The following SERINC5 variants were observed in gnomAD, a reference collection of about 807,000 sequenced individuals.
The protein encoded by SERINC5 is serine incorporator 5.
SERINC5 carries 41 observed loss-of-function variants against 63.1 expected under a neutral mutation model. That is an observed-to-expected ratio of 0.65 (90% CI 0.51 to 0.84). The LOEUF is 0.84. SERINC5 is among the 40% of genes least tolerant of loss of function. The pLI is 0.00. For missense variants in SERINC5, 523 were observed against 573.0 expected, an observed-to-expected ratio of 0.91 and a Z score of 0.89; for synonymous variants, 222 against 215.2, an observed-to-expected ratio of 1.03 and a Z score of -0.28.
At chr5:80,183,546 T>C (rs1748593915) in intron 2 of SERINC5, among the ~76,000 whole-genome samples, 1 of 152,124 alleles carries the variant, frequency 6.6e-6, no homozygotes, top group Admixed American at 6.5e-5. Context: ...CTGAAGTAAC[T>C]GAAGAATCAC....
chr5:80,137,164 C>CAAAAAAACA (rs1745230198), downstream of SERINC5, among the ~76,000 whole-genome samples: 1 of 79,082 alleles, frequency 1.3e-5, no homozygotes, highest in African/African-American at 4.1e-5. Context: ...AAAAAAAAAA[C>CAAAAAAACA]AAAAAAAACA....
intron 1 of SERINC5, among the ~76,000 whole-genome samples, chr5:80,203,646 G>GT (rs1749996673): frequency 6.6e-6 from 1 of 152,088 alleles, no homozygotes; most frequent in African/African-American, 2.4e-5. Context: ...AGTAATTGTG[G>GT]TTTTTGCCAT....
chr5:80,164,020 A>AT (rs1443575341), intron 7 of SERINC5, among the ~76,000 whole-genome samples: 1 of 152,060 alleles, frequency 6.6e-6, no homozygotes, highest in East Asian at 1.9e-4. Flanking sequence ...TTATTGGAAG[A>AT]TTTTTTAAAT....
At chr5:80,131,764 A>G (rs1033633088) in intron 11 of SERINC5, among the ~76,000 whole-genome samples, 1 of 152,208 alleles carries the variant, frequency 6.6e-6, no homozygotes, top group African/African-American at 2.4e-5. Flanking sequence ...CACCTCACAT[A>G]GTCTTTTGCA....
intron 7 of SERINC5, among the ~76,000 whole-genome samples, chr5:80,165,368 T>A (rs1020791660): frequency 6.6e-6 from 1 of 152,190 alleles, no homozygotes; most frequent in Non-Finnish European, 1.5e-5. Flanking sequence ...AGGAAACAAC[T>A]TCAATTCTCT....
chr5:80,134,061 C>G (rs1745054488), downstream of SERINC5, among the ~76,000 whole-genome samples: 1 of 152,216 alleles, frequency 6.6e-6, no homozygotes, highest in Non-Finnish European at 1.5e-5. Flanking sequence ...CTTGCCACCT[C>G]CAGCTGCATG....
intron 2 of SERINC5, among the ~76,000 whole-genome samples, chr5:80,192,778 G>A (rs964494146): frequency 6.6e-6 from 1 of 152,126 alleles, no homozygotes; most frequent in Non-Finnish European, 1.5e-5. Flanking sequence ...TGATGAGGAG[G>A]CAAAAACACT....
chr5:80,217,863 G>A (rs1247043820), intron 1 of SERINC5, among the ~76,000 whole-genome samples: 1 of 152,110 alleles, frequency 6.6e-6, no homozygotes, highest in Non-Finnish European at 1.5e-5. Context: ...TGTGAAAACC[G>A]AGGCCCAGAA....
At position 80,255,971 on chromosome 5, in the gene SERINC5, G is replaced by A; in HGVS notation, c.-49C>T. The A allele has an allele frequency of 6.7e-7, 1 of 1,487,060 alleles. No homozygotes were observed. Among genetic ancestry groups the A allele is most frequent in the Non-Finnish European group, 8.9e-7 (1 of 1,125,364 alleles). The allele number at this position is 1,487,060 out of a possible 1,614,324, so 92.1% of individuals were successfully genotyped here. On this transcript the variant is annotated 5_prime_UTR_variant, in exon 1 of 12. Coordinates refer to ENST00000507668, the MANE Select transcript of SERINC5 (RefSeq NM_001174072.3). Reference sequence around the variant, plus strand: ...CGCTCGCTGGCTCCCCGCGCCGCACGGGCCCTCCTGGCTGCCTCGCGCCTC... The same window carrying A: ...CGCTCGCTGGCTCCCCGCGCCGCACAGGCCCTCCTGGCTGCCTCGCGCCTC...
intron 9 of SERINC5, among the ~76,000 whole-genome samples, chr5:80,149,026 T>A (rs995004197): frequency 6.6e-6 from 1 of 152,354 alleles, no homozygotes; most frequent in African/African-American, 2.4e-5. Context: ...TAAGAAACTA[T>A]GAACTCTCAC....
Position 80,115,263 on chromosome 5 carries a change from G to A in SERINC5, c.1239-1638C>T, listed in dbSNP as rs550735761. Among the ~76,000 whole-genome samples the A allele has an allele frequency of 5.3e-5, 8 of 152,096 alleles. 1 individual carries two copies. The highest frequency in any genetic ancestry group is 1.7e-4 in the African/African-American group (7 of 41,390). ...TGCTAGGGTGAAACTGGGGGCACAC[G>A]GTATAGCTCAAATGCACCCCAGGTC... On this transcript the variant is annotated intron_variant, in intron 11 of 12. Transcript: ENST00000509193.
At chr5:80,178,098 A>G (rs751800578) in intron 2 of SERINC5, 34 bp from the exon 3 acceptor site, 2 of 1,475,548 alleles carry the variant, frequency 1.4e-6, no homozygotes, top group Non-Finnish European at 1.8e-6. Flanking sequence ...CATCTGTTAC[A>G]ACTGAGTGAG....
intron 9 of SERINC5, among the ~76,000 whole-genome samples, chr5:80,148,591 CCA>C (rs1406458856): frequency 1.3e-5 from 2 of 151,698 alleles, no homozygotes; most frequent in Non-Finnish European, 2.9e-5. Context: ...CTGCTTAAGC[CCA>C]TGAGTTTGAT....
chr5:80,167,729 C>CT (rs1747396536), intron 6 of SERINC5, among the ~76,000 whole-genome samples: 1 of 152,146 alleles, frequency 6.6e-6, no homozygotes, highest in Non-Finnish European at 1.5e-5. Flanking sequence ...CACAAGCCAT[C>CT]TGTTATTTTT....
intron 2 of SERINC5, among the ~76,000 whole-genome samples, chr5:80,202,299 G>A (rs554796271): frequency 6.6e-6 from 1 of 152,186 alleles, no homozygotes; most frequent in Non-Finnish European, 1.5e-5. Flanking sequence ...GGACAGAAGG[G>A]TACAAGAAAA....
rs985788832 is a variant in SERINC5 at position 80,142,586 on chromosome 5, T to C, written c.*1077A>G. On this transcript the variant is annotated 3_prime_UTR_variant, in exon 12 of 12. Coordinates refer to ENST00000507668, the MANE Select transcript of SERINC5 (RefSeq NM_001174072.3). The stretch of plus-strand genomic sequence containing the variant: ...GATCCTCACCTCAGAAATTCTCACA[T>C]TAGCAAACCTACTCCAAGGATGCCA... 1.8e-5 allele frequency: 18 copies of C among 985,336 alleles called. No homozygotes were observed. The highest frequency in any genetic ancestry group is 2.2e-5 in the Non-Finnish European group (18 of 829,952). 61.0% of individuals were successfully genotyped at this position (985,336 alleles called of 1,614,324 possible).
intron 1 of SERINC5, among the ~76,000 whole-genome samples, chr5:80,204,925 T>C (rs954446188): frequency 6.6e-6 from 1 of 152,178 alleles, no homozygotes; most frequent in Non-Finnish European, 1.5e-5. Context: ...AAGCCTTTTG[T>C]TCTTTGTGTG....
Position 80,202,965 on chromosome 5 carries a change from T to A in SERINC5, c.116A>T (p.Tyr39Phe). 1.2e-6 allele frequency: 2 copies of A among 1,613,604 alleles called. No individual in the cohort carries two copies. Among genetic ancestry groups the A allele is most frequent in the African/African-American group, 1.3e-5 (1 of 74,968 alleles). Reference protein sequence around the residue: ...IRQSLSTRFMYALYFILVVVL... With the variant: ...IRQSLSTRFMFALYFILVVVL... ...GACGACCAGAATGAAGTAGAGGGCGTACATGAAGCGGGTGCTGAGGGACTG... is the reference window on the plus strand; with the variant it reads ...GACGACCAGAATGAAGTAGAGGGCGAACATGAAGCGGGTGCTGAGGGACTG... The change falls in exon 2 of 12, where the codon TAC (tyrosine) becomes TTC (phenylalanine). Residue 39 changes from tyrosine to phenylalanine, a missense_variant. Coordinates refer to ENST00000507668, the MANE Select transcript of SERINC5 (RefSeq NM_001174072.3).
At chr5:80,228,629 T>A (rs1751283047) in intron 1 of SERINC5, among the ~76,000 whole-genome samples, 1 of 152,064 alleles carries the variant, frequency 6.6e-6, no homozygotes, top group Non-Finnish European at 1.5e-5. Context: ...CTAGTTTTTT[T>A]ATTTTATTTT....
Sources: allele counts gnomAD v4.1 joint callset (sites outside exome capture counted in the v4.1 genomes callset), GRCh38; gene constraint gnomAD v4.1.1; transcripts MANE v1.5; gene names NCBI Gene and HGNC (gene_info 2026-07-23, HGNC 2026-07-21).